The following GRM7 variants were observed in gnomAD, a reference collection of about 807,000 sequenced individuals.
GRM7 encodes the protein metabotropic glutamate receptor 7.
Under a neutral mutation model 84.5 loss-of-function variants are expected in GRM7, and 35 were observed. The observed-to-expected ratio is 0.41, with a 90% CI of 0.32 to 0.55. GRM7 has a LOEUF of 0.55. Among genes scored for constraint, GRM7 ranks in the 20% least tolerant of loss-of-function variants. The pLI is 0.19. For missense variants in GRM7, 1,003 were observed against 1,194.6 expected (o/e 0.84, Z 2.36); for synonymous variants, 487 against 455.1 (o/e 1.07, Z -0.89).
intron 2 of GRM7, among the ~76,000 whole-genome samples, chr3:7,256,186 T>C (rs112645635): frequency 1.4e-4 from 21 of 152,324 alleles, no homozygotes; most frequent in African/African-American, 5.1e-4. Context: ...TTCAGGGCTC[T>C]TCTCAACTAT....
intron 5 of GRM7, among the ~76,000 whole-genome samples, chr3:7,436,863 C>T (rs1360452980): frequency 6.6e-6 from 1 of 152,134 alleles, no homozygotes; most frequent in Non-Finnish European, 1.5e-5. Context: ...CAGAAATACC[C>T]CTTATTTCCA....
intron 9 of GRM7, among the ~76,000 whole-genome samples, chr3:7,709,257 A>G (rs1035826718): frequency 1.3e-5 from 2 of 152,092 alleles, no homozygotes; most frequent in African/African-American, 4.8e-5. Context: ...TCTATAAAAT[A>G]TGTTACATAT....
intron 2 of GRM7, among the ~76,000 whole-genome samples, chr3:7,152,785 G>A: frequency 6.6e-6 from 1 of 152,128 alleles, no homozygotes; most frequent in East Asian, 1.9e-4. Flanking sequence ...TAAATTAATA[G>A]AGGATCACTA....
chr3:7,060,118 A>C (rs1697383265), intron 1 of GRM7, among the ~76,000 whole-genome samples: 1 of 151,800 alleles, frequency 6.6e-6, no homozygotes, highest in South Asian at 2.1e-4. Context: ...GATTCCATCC[A>C]CTTGCCCTTT....
At position 7,099,821 on chromosome 3, in the gene GRM7, G is replaced by A. The variant is rs9846279; in HGVS notation, c.520-46631G>A. On this transcript the variant is annotated intron_variant, in intron 1 of 9. Transcript: ENST00000357716. ...GTATATGTACACGCATTATACATGT[G>A]CACATACATGTATATGTACACGCAT... 3.7e-5 allele frequency among the ~76,000 whole-genome samples: 3 copies of A among 80,638 alleles called. 1 individual carries two copies. The highest frequency in any genetic ancestry group is 4.8e-4 in the African/African-American group (2 of 4,178). 52.9% of individuals were successfully genotyped at this position (80,638 alleles called of 152,430 possible).
chr3:7,223,701 A>T (rs1425496565), intron 2 of GRM7, among the ~76,000 whole-genome samples: 1 of 152,190 alleles, frequency 6.6e-6, no homozygotes, highest in Non-Finnish European at 1.5e-5. Context: ...TGCTTATATC[A>T]TTCTCACAGG....
intron 2 of GRM7, among the ~76,000 whole-genome samples, chr3:7,160,122 T>C (rs1694578241): frequency 6.6e-6 from 1 of 152,130 alleles, no homozygotes; most frequent in Admixed American, 6.6e-5. Context: ...GTGAGGGATT[T>C]GGTCTTGATA....
At chr3:7,407,598 T>A (rs997259993) in intron 4 of GRM7, among the ~76,000 whole-genome samples, 1 of 152,214 alleles carries the variant, frequency 6.6e-6, no homozygotes, top group African/African-American at 2.4e-5. Context: ...CCTACTATCC[T>A]TAATTTATAG....
intron 2 of GRM7, among the ~76,000 whole-genome samples, chr3:7,285,669 C>G (rs1307321670): frequency 2.6e-5 from 4 of 151,934 alleles, no homozygotes; most frequent in Non-Finnish European, 4.4e-5. Flanking sequence ...TGTGTGCGTT[C>G]TAGGATGCCT....
At chr3:7,634,507 T>C (rs62235229) in intron 8 of GRM7, among the ~76,000 whole-genome samples, 21,841 of 69,132 alleles carry the variant, frequency 0.32, 2,160 homozygotes, top group African/African-American at 0.49. Flanking sequence ...AAAAAAGGGC[T>C]GGGCTCCATG....
intron 2 of GRM7, among the ~76,000 whole-genome samples, chr3:7,177,237 A>G (rs1220514464): frequency 1.3e-5 from 2 of 152,202 alleles, no homozygotes; most frequent in African/African-American, 4.8e-5. Context: ...AGGTTGAAAT[A>G]TCAAAGTGAA....
intron 1 of GRM7, among the ~76,000 whole-genome samples, chr3:7,017,149 A>T (rs1407292858): frequency 6.6e-6 from 1 of 152,220 alleles, no homozygotes; most frequent in Non-Finnish European, 1.5e-5. Context: ...TAAATTCTGT[A>T]CATTTAATAA....
intron 9 of GRM7, among the ~76,000 whole-genome samples, chr3:7,734,814 G>C (rs186538681): frequency 6.6e-6 from 1 of 152,134 alleles, no homozygotes; most frequent in Admixed American, 6.5e-5. Context: ...CTCAAGTTGA[G>C]GAATGTGCTA....
chr3:7,257,151 G>C (rs1038532257), intron 2 of GRM7, among the ~76,000 whole-genome samples: 3 of 152,122 alleles, frequency 2.0e-5, no homozygotes, highest in Non-Finnish European at 4.4e-5. Flanking sequence ...AATCCAAGGA[G>C]GCTTTTCAAG....
Position 7,354,924 on chromosome 3 carries a change from T to C in GRM7, c.1033+48272T>C, listed in dbSNP as rs537056926. ...GTCCTACACAGGGGTATATCAACTCTTCAGCTCTCTGTCATAGTCTAGTTT... is the reference window on the plus strand; with the variant it reads ...GTCCTACACAGGGGTATATCAACTCCTCAGCTCTCTGTCATAGTCTAGTTT... On this transcript the variant is annotated intron_variant, in intron 4 of 9. Transcript: ENST00000357716. Among the ~76,000 whole-genome samples the C allele has an allele frequency of 1.6e-4, 24 of 152,304 alleles. No individual in the cohort carries two copies. The South Asian group carries it at 4.8e-3, about 30-fold the overall frequency.
chr3:7,001,116 T>C lies in GRM7; in HGVS notation c.519+139209T>C, dbSNP rs149612462. ...CAAAATGAAGAAAACTATTTGAGAA[T>C]TTATAATCATGCAAAGCCTTTTTAA... On this transcript the variant is annotated intron_variant, in intron 1 of 9. Transcript: ENST00000357716. Among the ~76,000 whole-genome samples the C allele has an allele frequency of 7.4e-4, 113 of 152,294 alleles. No individual in the cohort carries two copies. In the East Asian group the frequency reaches 0.018, roughly 24 times the overall value.
In GRM7 at chr3:7,655,484, C is replaced by T. The variant is rs374764088; in HGVS notation, c.2452-24565C>T. The stretch of plus-strand genomic sequence containing the variant: ...AAATCATATCTGCAAAGCCCCTTTT[C>T]CCAATAAGGTCACTTTCAAAGATTC... On this transcript the variant is annotated intron_variant, in intron 8 of 9. Coordinates refer to ENST00000357716, the MANE Select transcript of GRM7 (RefSeq NM_000844.4). Among the ~76,000 whole-genome samples the T allele has an allele frequency of 2.8e-3, 433 of 152,326 alleles. 7 individuals are homozygous for T. The highest frequency in any genetic ancestry group is 0.017 in the Middle Eastern group (5 of 294).
intron 1 of GRM7, among the ~76,000 whole-genome samples, chr3:6,952,854 T>C (rs1294135644): frequency 1.3e-5 from 2 of 152,224 alleles, no homozygotes; most frequent in Admixed American, 6.5e-5. Flanking sequence ...TATATTAGTT[T>C]GTTACCAACA....
At chr3:7,355,402 C>T (rs1166435178) in intron 4 of GRM7, among the ~76,000 whole-genome samples, 3 of 152,030 alleles carry the variant, frequency 2.0e-5, no homozygotes, top group Non-Finnish European at 4.4e-5. Flanking sequence ...TGTTCTGCCC[C>T]TTGGTCCATA....
Sources: gnomAD v4.1 joint callset for allele counts (sites outside exome capture counted in the v4.1 genomes callset) on GRCh38, gnomAD v4.1.1 for gene constraint, MANE v1.5 for transcripts, NCBI Gene and HGNC (gene_info 2026-07-23, HGNC 2026-07-21) for gene names.